SPAG17: variants seen among roughly 807,000 people sequenced by gnomAD.
SPAG17 encodes sperm associated antigen 17, also known as sperm-associated antigen 17.
A neutral mutation model predicts 273.6 loss-of-function variants in SPAG17; 169 were observed. The observed-to-expected ratio is 0.62, with a 90% CI of 0.55 to 0.70. The LOEUF is 0.70. SPAG17 is among the 30% of genes least tolerant of loss of function. SPAG17 has a pLI of 0.00. For missense variants in SPAG17, 2,557 were observed against 2,627.8 expected, an observed-to-expected ratio of 0.97 and a Z score of 0.59; for synonymous variants, 825 against 873.2, an observed-to-expected ratio of 0.94 and a Z score of 0.97.
At chr1:118,070,440 T>A (rs1653460315) in intron 17 of SPAG17, among the ~76,000 whole-genome samples, 1 of 152,186 alleles carries the variant, frequency 6.6e-6, no homozygotes, top group African/African-American at 2.4e-5. Flanking sequence ...GCAACTGGGC[T>A]ATTGCCTATC....
chr1:117,966,545 G>A, intron 47 of SPAG17, 64 bp downstream of exon 47: 2 of 1,380,406 alleles, frequency 1.4e-6, no homozygotes, highest in Non-Finnish European at 9.6e-7. Flanking sequence ...TGACTTCCAT[G>A]TTTTCCTCAC....
intron 1 of SPAG17, among the ~76,000 whole-genome samples, chr1:118,182,912 A>G (rs1661014913): frequency 6.6e-6 from 1 of 152,216 alleles, no homozygotes; most frequent in Non-Finnish European, 1.5e-5. Context: ...ATTATTTGCT[A>G]TCATTTTATA....
intron 24 of SPAG17, 50 bp downstream of exon 24, chr1:118,036,720 G>T: frequency 1.6e-6 from 2 of 1,252,944 alleles, no homozygotes. Context: ...GCAGTGGCAG[G>T]GACCCTTGGC....
At chr1:118,086,167 A>G in intron 12 of SPAG17, 95 bp from the exon 13 acceptor site, 1 of 1,153,814 alleles carries the variant, frequency 8.7e-7, no homozygotes, top group Non-Finnish European at 1.2e-6. Flanking sequence ...CTTCACCCTC[A>G]TTATTTGGGA....
At chr1:118,152,331 C>T (rs72699605) in intron 1 of SPAG17, among the ~76,000 whole-genome samples, 11,044 of 152,192 alleles carry the variant, frequency 0.073, 516 homozygotes, top group Middle Eastern at 0.12. Context: ...GTAAAATGGT[C>T]TCCTGGTGAA....
chr1:118,032,595 T>C (rs570223371), intron 24 of SPAG17, among the ~76,000 whole-genome samples: 3 of 151,868 alleles, frequency 2.0e-5, no homozygotes, highest in African/African-American at 7.2e-5. Flanking sequence ...TATTTTTATT[T>C]ATTATTATTA....
In SPAG17 at chr1:117,967,251, T is replaced by C. The variant is rs1158729688; in HGVS notation, c.6388-498A>G. Among the ~76,000 whole-genome samples, 3 of 140,572 alleles carry C rather than the reference T, an allele frequency of 2.1e-5. No homozygotes were observed. In the East Asian group the frequency reaches 6.3e-4, roughly 29 times the overall value. The allele number at this position is 140,572 out of a possible 152,430, so 92.2% of individuals were successfully genotyped here. On this transcript the variant is annotated intron_variant, in intron 46 of 48. Coordinates refer to ENST00000336338, the MANE Select transcript of SPAG17 (RefSeq NM_206996.4). ...AGGCAGAGGTTTCAGTGAGCCGAGA[T>C]CGCGCCACTGCACTCCAGTCTGGTG...
intron 28 of SPAG17, among the ~76,000 whole-genome samples, chr1:118,017,658 G>A (rs1395193082): frequency 6.6e-6 from 1 of 152,176 alleles, no homozygotes; most frequent in Non-Finnish European, 1.5e-5. Context: ...AGGAAGAACA[G>A]TTAGAAGGTT....
rs202038035 is a variant in SPAG17 at position 118,091,659 on chromosome 1, T to C, written c.1306A>G (p.Ile436Val). ...GGCACAGAAATGAATTCCTCTCGAA[T>C]TGGATTCAGCAAATAATTGTAATAT... The part of the protein sequence containing the change: ...MRYYNYLLNP[I>V]REEFISVPLI... The change falls in exon 10 of 49, where the codon ATT becomes GTT. Residue 436 changes from isoleucine to valine, a missense_variant. Coordinates refer to ENST00000336338, the MANE Select transcript of SPAG17 (RefSeq NM_206996.4). The C allele has an allele frequency of 4.2e-5, 67 of 1,613,042 alleles. No individual in the cohort carries two copies. Among genetic ancestry groups the C allele is most frequent in the Non-Finnish European group, 5.5e-5 (65 of 1,179,330 alleles).
intron 17 of SPAG17, among the ~76,000 whole-genome samples, chr1:118,069,475 TG>T (rs999213545): frequency 2.6e-5 from 4 of 152,170 alleles, no homozygotes; most frequent in African/African-American, 7.2e-5. Context: ...AGGATGATTC[TG>T]GCTTTTTGCT....
chr1:118,116,789 C>T (rs984971768), intron 3 of SPAG17, among the ~76,000 whole-genome samples: 1 of 152,162 alleles, frequency 6.6e-6, no homozygotes, highest in Admixed American at 6.5e-5. Context: ...AAGGAACTAA[C>T]CAAGTGTCAG....
At chr1:118,011,851 A>T (rs1364697187) in intron 30 of SPAG17, among the ~76,000 whole-genome samples, 2 of 152,130 alleles carry the variant, frequency 1.3e-5, no homozygotes, top group Admixed American at 1.3e-4. Flanking sequence ...AAGTAGACAG[A>T]TTTTAAGTTT....
intron 28 of SPAG17, among the ~76,000 whole-genome samples, chr1:118,016,844 C>A (rs753341398): frequency 2.0e-5 from 3 of 152,168 alleles, no homozygotes. Flanking sequence ...CATGGAAATC[C>A]TTGACCAATA....
intron 1 of SPAG17, among the ~76,000 whole-genome samples, chr1:118,170,149 C>A (rs1660353358): frequency 1.3e-5 from 2 of 152,088 alleles, no homozygotes; most frequent in African/African-American, 4.8e-5. Context: ...ACATACATTT[C>A]TTCATATTTC....
At chr1:118,172,102 C>G (rs1199607752) in intron 1 of SPAG17, among the ~76,000 whole-genome samples, 1 of 152,122 alleles carries the variant, frequency 6.6e-6, no homozygotes, top group African/African-American at 2.4e-5. Context: ...GAAAAAAGGG[C>G]AACCCTACAC....
At chr1:118,144,769 G>A (rs982628202) in intron 3 of SPAG17, among the ~76,000 whole-genome samples, 1 of 152,162 alleles carries the variant, frequency 6.6e-6, no homozygotes, top group Non-Finnish European at 1.5e-5. Flanking sequence ...GACTGTACTG[G>A]CCATAATAGC....
intron 17 of SPAG17, 79 bp downstream of exon 17, chr1:118,073,775 G>A: frequency 1.1e-6 from 1 of 881,566 alleles, no homozygotes; most frequent in Non-Finnish European, 1.8e-6. Context: ...AGAATGACCT[G>A]GAGGTGAACT....
intron 30 of SPAG17, among the ~76,000 whole-genome samples, chr1:118,009,054 T>C (rs1183889444): frequency 6.6e-6 from 1 of 152,156 alleles, no homozygotes; most frequent in Non-Finnish European, 1.5e-5. Context: ...GAAATAAAGT[T>C]AGTGCATCAT....
chr1:117,957,156 G>A (rs756302065), intron 48 of SPAG17: 1 of 1,612,464 alleles, frequency 6.2e-7, no homozygotes, highest in African/African-American at 1.3e-5. Context: ...GCTGGGCTCT[G>A]ATGTTGAACT....
Sources: allele counts gnomAD v4.1 joint callset (sites outside exome capture counted in the v4.1 genomes callset), GRCh38; gene constraint gnomAD v4.1.1; transcripts MANE v1.5; gene names NCBI Gene and HGNC (gene_info 2026-07-23, HGNC 2026-07-21).